The following ADAMTS19 variants were observed in gnomAD, a reference collection of about 807,000 sequenced individuals.
The protein encoded by ADAMTS19 is ADAM metallopeptidase with thrombospondin type 1 motif 19.
In ADAMTS19, 93 loss-of-function variants were observed where a neutral mutation model predicts 153.3. That is an observed-to-expected ratio of 0.61 (90% CI 0.51 to 0.72). The LOEUF (loss-of-function observed/expected upper bound fraction) is 0.72, where lower values mean the gene tolerates loss of function less well. Among genes scored for constraint, ADAMTS19 ranks in the 30% least tolerant of loss-of-function variants. The pLI, the probability that ADAMTS19 is intolerant of heterozygous loss-of-function variation, is 0.00. For missense variants in ADAMTS19, 1,482 were observed against 1,552.1 expected (o/e 0.95, Z 0.76); for synonymous variants, 600 against 556.6 (o/e 1.08, Z -1.10).
intron 21 of ADAMTS19, among the ~76,000 whole-genome samples, chr5:129,733,567 C>T (rs1189402149): frequency 6.6e-6 from 1 of 152,032 alleles, no homozygotes; most frequent in Non-Finnish European, 1.5e-5. Flanking sequence ...CTTAACATCA[C>T]TAATCGTCCA....
intron 6 of ADAMTS19, among the ~76,000 whole-genome samples, chr5:129,540,079 T>C (rs950915727): frequency 2.6e-5 from 4 of 152,066 alleles, no homozygotes; most frequent in African/African-American, 9.7e-5. Context: ...TAGAATAACA[T>C]TGGAAAAAAT....
chr5:129,626,794 G>C (rs1182997612), intron 10 of ADAMTS19, among the ~76,000 whole-genome samples: 1 of 152,238 alleles, frequency 6.6e-6, no homozygotes. Flanking sequence ...TTAGTTGGAG[G>C]AAATATAAGC....
At chr5:129,522,273 G>C (rs995314779) in intron 3 of ADAMTS19, among the ~76,000 whole-genome samples, 1 of 127,816 alleles carries the variant, frequency 7.8e-6, no homozygotes, top group Non-Finnish European at 1.6e-5. Flanking sequence ...AACAACATAT[G>C]TATGCGTAGT....
intron 21 of ADAMTS19, among the ~76,000 whole-genome samples, chr5:129,731,372 A>G (rs1318439865): frequency 6.6e-6 from 1 of 152,132 alleles, no homozygotes; most frequent in Non-Finnish European, 1.5e-5. Flanking sequence ...AAAATAACAA[A>G]TTGTTTTTAA....
At chr5:129,474,688 T>C (rs563357441) in intron 2 of ADAMTS19, among the ~76,000 whole-genome samples, 147 of 138,234 alleles carry the variant, frequency 1.1e-3, no homozygotes, top group African/African-American at 4.1e-3. Context: ...CAAAGGCTCC[T>C]TTATAACCAT....
intron 21 of ADAMTS19, among the ~76,000 whole-genome samples, chr5:129,717,350 T>C (rs1756778836): frequency 6.6e-6 from 1 of 152,316 alleles, no homozygotes; most frequent in South Asian, 2.1e-4. Context: ...AGTGTATATA[T>C]TTATGGGTTG....
chr5:129,540,105 T>C (rs1752605799), intron 6 of ADAMTS19, among the ~76,000 whole-genome samples: 2 of 152,116 alleles, frequency 1.3e-5, no homozygotes, highest in Admixed American at 6.6e-5. Flanking sequence ...TCTCCCTGGA[T>C]TGCATGTTCT....
chr5:129,634,257 A>G lies in ADAMTS19; in HGVS notation c.1771-7602A>G, dbSNP rs530435606. On this transcript the variant is annotated intron_variant, in intron 10 of 22. Coordinates refer to ENST00000274487, the MANE Select transcript of ADAMTS19 (RefSeq NM_133638.6). ...GAGGTGAAAGATCTCTACATGCAGA[A>G]ATAGAAAATACTGCTCAAAGTAATC... is the stretch of plus-strand genomic sequence containing the variant. Among the ~76,000 whole-genome samples the G allele has an allele frequency of 4.3e-4, 66 of 152,290 alleles. No individual in the cohort carries two copies. The South Asian group carries it at 4.8e-3, about 11-fold the overall frequency.
chr5:129,723,766 A>G (rs1419149746), intron 21 of ADAMTS19, among the ~76,000 whole-genome samples: 2 of 152,206 alleles, frequency 1.3e-5, no homozygotes, highest in African/African-American at 4.8e-5. Flanking sequence ...AGCCCATGAC[A>G]CAGCCCTGGG....
chr5:129,665,474 T>C (rs371019834), intron 15 of ADAMTS19, 25 bp from the exon 16 acceptor site: 1 of 1,537,928 alleles, frequency 6.5e-7, no homozygotes, highest in African/African-American at 1.4e-5. Flanking sequence ...TCAAGATTTA[T>C]TTCATGTTTT....
chr5:129,564,334 G>A (rs1753630344), intron 7 of ADAMTS19, among the ~76,000 whole-genome samples: 1 of 152,038 alleles, frequency 6.6e-6, no homozygotes, highest in African/African-American at 2.4e-5. Flanking sequence ...ACTTTAAGCT[G>A]TTACATTAGT....
At chr5:129,685,770 A>T (rs1349778908) in intron 18 of ADAMTS19, among the ~76,000 whole-genome samples, 1 of 152,198 alleles carries the variant, frequency 6.6e-6, no homozygotes, top group Non-Finnish European at 1.5e-5. Context: ...ATTATACAAC[A>T]TTGTTTGCCA....
chr5:129,732,258 C>CCAA (rs1223254226), intron 21 of ADAMTS19, among the ~76,000 whole-genome samples: 2 of 152,000 alleles, frequency 1.3e-5, no homozygotes, highest in African/African-American at 2.4e-5. Context: ...ATGCATTTCC[C>CCAA]CAAAACTGGA....
intron 7 of ADAMTS19, among the ~76,000 whole-genome samples, chr5:129,579,833 C>T (rs13181145): frequency 0.51 from 77,591 of 151,932 alleles, 22,902 homozygotes; most frequent in Non-Finnish European, 0.65. Context: ...GTTTTGATTA[C>T]TATAGCCTTC....
In ADAMTS19 at chr5:129,737,244, G is replaced by A; in HGVS notation, c.*26G>A. 6.4e-7 allele frequency: 1 copy of A among 1,559,376 alleles called. No individual in the cohort carries two copies. The highest frequency in any genetic ancestry group is 8.7e-7 in the Non-Finnish European group (1 of 1,143,812). On this transcript the variant is annotated 3_prime_UTR_variant, in exon 23 of 23. Transcript: ENST00000274487. ...CCTCTAGCAGGCTGGCTGGATCACA[G>A]CTCTTGGCAATTACATTATTTATAA...
intron 18 of ADAMTS19, among the ~76,000 whole-genome samples, chr5:129,693,461 A>C (rs146386480): frequency 6.6e-6 from 1 of 152,182 alleles, no homozygotes. Context: ...ATAGTGAACC[A>C]GCAGACTTGT....
chr5:129,702,941 AATATATATATATAT>A lies in ADAMTS19; in HGVS notation c.3160-1280_3160-1267del, dbSNP rs59614056. Among the ~76,000 whole-genome samples the A allele has an allele frequency of 1.4e-3, 42 of 29,306 alleles. 3 individuals carry two copies. Among genetic ancestry groups the A allele is most frequent in the African/African-American group, 3.0e-3 (35 of 11,712 alleles). 19.2% of individuals were successfully genotyped at this position (29,306 alleles called of 152,430 possible). On this transcript the variant is annotated intron_variant, in intron 20 of 22. Coordinates refer to ENST00000274487, the MANE Select transcript of ADAMTS19 (RefSeq NM_133638.6). ...TAGTTTGACTTGCCAAAAAAAAAAA[AATATATATATATAT>A]ATATATATATATATATACAAATACA...
intron 2 of ADAMTS19, among the ~76,000 whole-genome samples, chr5:129,475,150 A>T (rs1250461761): frequency 2.0e-5 from 3 of 151,336 alleles, no homozygotes; most frequent in East Asian, 3.9e-4. Context: ...GTATCTAAGA[A>T]CTCAGTGTCT....
At chr5:129,563,488 AT>A (rs1226042179) in intron 7 of ADAMTS19, among the ~76,000 whole-genome samples, 2 of 152,098 alleles carry the variant, frequency 1.3e-5, no homozygotes, top group African/African-American at 4.8e-5. Context: ...TTCATTGGGG[AT>A]TTATATATTC....
Sources: allele counts gnomAD v4.1 joint callset (sites outside exome capture counted in the v4.1 genomes callset), GRCh38; gene constraint gnomAD v4.1.1; transcripts MANE v1.5; gene names NCBI Gene and HGNC (gene_info 2026-07-23, HGNC 2026-07-21).